The following LIMK2 variants were observed in gnomAD, a reference collection of about 807,000 sequenced individuals.
LIMK2 encodes LIM domain kinase 2.
LIMK2 carries 35 observed loss-of-function variants against 75.7 expected under a neutral mutation model. The ratio of observed to expected loss-of-function variants is 0.46; its 90% CI spans 0.35 to 0.61. The LOEUF is 0.61. Ranked by LOEUF, LIMK2 falls within the 20% of genes least tolerant of loss-of-function variation. The pLI, the probability that LIMK2 is intolerant of heterozygous loss-of-function variation, is 0.00. For synonymous variants in LIMK2, 301 were observed against 319.2 expected, an observed-to-expected ratio of 0.94 and a Z score of 0.61; for missense variants, 623 against 831.0, an observed-to-expected ratio of 0.75 and a Z score of 3.08.
chr22:31,262,843 A>G lies in LIMK2; in HGVS notation c.854+52A>G. ...CTGTCCTATGTCTGTCTCTCGGATGAAGCTGAGCTGGCTTTCAGAAGCCTG... is the reference window on the plus strand; with the variant it reads ...CTGTCCTATGTCTGTCTCTCGGATGGAGCTGAGCTGGCTTTCAGAAGCCTG... On this transcript the variant is annotated intron_variant, in intron 7 of 15. Transcript: ENST00000331728. The surrounding 1 kb of genome is among the most constrained non-coding windows in gnomAD (Gnocchi z 5.0). 1 of 1,433,404 alleles carries G rather than the reference A, an allele frequency of 7.0e-7. No homozygotes were observed. Among genetic ancestry groups the G allele is most frequent in the Non-Finnish European group, 9.3e-7 (1 of 1,073,356 alleles). The allele number at this position is 1,433,404 out of a possible 1,614,324, so 88.8% of individuals were successfully genotyped here. A position where few individuals can be genotyped will look rare whatever the true frequency, so the allele number is the denominator to read the frequency against.
At chr22:31,219,378 C>T (rs964616297) in intron 1 of LIMK2, among the ~76,000 whole-genome samples, 1 of 152,110 alleles carries the variant, frequency 6.6e-6, no homozygotes, top group African/African-American at 2.4e-5. Context: ...AAGGTGAGAA[C>T]CCCTATAATG....
At chr22:31,267,493 C>T (rs1193876650) in intron 9 of LIMK2, among the ~76,000 whole-genome samples, 1 of 152,174 alleles carries the variant, frequency 6.6e-6, no homozygotes, top group Non-Finnish European at 1.5e-5. Context: ...CATGGAGTAA[C>T]TTAAGTTGGG....
intron 14 of LIMK2, 101 bp from the exon 15 acceptor site, chr22:31,275,050 C>T (rs1395769890): frequency 5.2e-6 from 6 of 1,154,778 alleles, no homozygotes; most frequent in Non-Finnish European, 7.7e-6. Context: ...ACCACCTCCT[C>T]TTCTGCCATT....
intron 1 of LIMK2, among the ~76,000 whole-genome samples, chr22:31,217,200 A>G (rs777998699): frequency 1.3e-5 from 2 of 152,120 alleles, no homozygotes; most frequent in African/African-American, 2.4e-5. Context: ...AGGAGTTCAA[A>G]CCAGTCTGGC....
chr22:31,254,505 T>C (rs1429739830), intron 2 of LIMK2, among the ~76,000 whole-genome samples: 1 of 152,194 alleles, frequency 6.6e-6, no homozygotes, highest in Admixed American at 6.5e-5. Context: ...CAAGAGTAAG[T>C]GGGATGCTGT....
At chr22:31,276,701 C>T (rs1357480816) in intron 15 of LIMK2, 6 of 1,234,798 alleles carry the variant, frequency 4.9e-6, no homozygotes, top group Non-Finnish European at 5.1e-6. Context: ...TGGCGGACAG[C>T]GGCACCGCGG....
intron 2 of LIMK2, among the ~76,000 whole-genome samples, chr22:31,254,730 G>A (rs2048760015): frequency 6.6e-6 from 1 of 152,136 alleles, no homozygotes; most frequent in Non-Finnish European, 1.5e-5. Context: ...AGGCCAAGGC[G>A]GGCAGATCAC....
intron 2 of LIMK2, among the ~76,000 whole-genome samples, chr22:31,257,734 T>C (rs1794243995): frequency 6.6e-6 from 1 of 152,192 alleles, no homozygotes; most frequent in African/African-American, 2.4e-5. Flanking sequence ...CGGTTATTCT[T>C]ATAGAATAAC....
chr22:31,235,453 C>T (rs1314064522), intron 2 of LIMK2, among the ~76,000 whole-genome samples: 2 of 152,170 alleles, frequency 1.3e-5, no homozygotes, highest in African/African-American at 2.4e-5. Context: ...GAGAAGCTGA[C>T]CCCAGGAGTC....
chr22:31,216,726 G>T (rs534878287), intron 1 of LIMK2, among the ~76,000 whole-genome samples: 1 of 152,312 alleles, frequency 6.6e-6, no homozygotes, highest in South Asian at 2.1e-4. Flanking sequence ...GGCTGTATTA[G>T]GCTTTCCACA....
chr22:31,246,088 G>A (rs2048665142), intron 2 of LIMK2, among the ~76,000 whole-genome samples: 1 of 151,572 alleles, frequency 6.6e-6, no homozygotes, highest in Non-Finnish European at 1.5e-5. Flanking sequence ...CAAGAGAATT[G>A]CTTGAACCTG....
intron 12 of LIMK2, 133 bp from the exon 13 acceptor site, chr22:31,272,395 AGC>A: frequency 1.2e-6 from 1 of 819,984 alleles, no homozygotes; most frequent in South Asian, 2.1e-5. Context: ...TATTTGATAG[AGC>A]TTTCTGCTCT....
Position 31,278,391 on chromosome 22 carries a change from G to C in LIMK2, c.1867G>C (p.Asp623His), listed in dbSNP as rs771073476. Residue 623 changes from aspartate to histidine, a missense_variant, in exon 16 of 16, where the codon GAC becomes CAC. Asp to His is a moderately conservative substitution (Grantham distance 81). Transcript: ENST00000331728. ...GCTGCCTGCAGAGCTGGAGGAGTTG[G>C]ACCACACTGTGAGCATGCAGTACGG... The part of the protein sequence containing the change: ...IPLPAELEEL[D>H]HTVSMQYGLT... 1.3e-5 allele frequency: 21 copies of C among 1,613,934 alleles called. No homozygotes were observed. The highest frequency in any genetic ancestry group is 1.8e-5 in the Non-Finnish European group (21 of 1,179,952).
At chr22:31,260,181 C>G (rs2048824821) in intron 5 of LIMK2, 104 bp downstream of exon 5, 1 of 945,660 alleles carries the variant, frequency 1.1e-6, no homozygotes, top group Non-Finnish European at 1.5e-6. Context: ...TCCCTTTATT[C>G]TCATCTCATA....
rs200149674 is a variant in LIMK2 at position 31,212,435 on chromosome 22, G to T, written c.16+11G>T. On this transcript the variant is annotated intron_variant, in intron 1 of 15. Transcript: ENST00000331728. Reference sequence around the variant, plus strand: ...TGTCCGCGCTGGCGGGTAAGGAAGGGCTGCTCCGCCCTGTCCCGCTGTTAT... The same window carrying T: ...TGTCCGCGCTGGCGGGTAAGGAAGGTCTGCTCCGCCCTGTCCCGCTGTTAT... 1 of 1,331,724 alleles carries T rather than the reference G, an allele frequency of 7.5e-7. No homozygotes were observed. Among genetic ancestry groups the T allele is most frequent in the Non-Finnish European group, 9.7e-7 (1 of 1,031,448 alleles). The allele number at this position is 1,331,724 out of a possible 1,614,324, so 82.5% of individuals were successfully genotyped here.
At chr22:31,224,326 A>G (rs1182017736) in intron 1 of LIMK2, among the ~76,000 whole-genome samples, 1 of 152,122 alleles carries the variant, frequency 6.6e-6, no homozygotes, top group African/African-American at 2.4e-5. Context: ...TCAGCCAGTG[A>G]TAGGTAAGTC....
chr22:31,241,248 G>A (rs2048621487), intron 2 of LIMK2, among the ~76,000 whole-genome samples: 1 of 152,226 alleles, frequency 6.6e-6, no homozygotes, highest in South Asian at 2.1e-4. Context: ...CAAATGGCAA[G>A]AATAAAATAG....
rs2049024736 is a variant in LIMK2 at position 31,276,666 on chromosome 22, G to A, written c.1772+1358G>A. 5 of 1,041,374 alleles carry A rather than the reference G, an allele frequency of 4.8e-6. 1 individual carries two copies. Among genetic ancestry groups the A allele is most frequent in the African/African-American group, 1.7e-5 (1 of 57,794 alleles). 64.5% of individuals were successfully genotyped at this position (1,041,374 alleles called of 1,614,324 possible). On this transcript the variant is annotated intron_variant, in intron 15 of 15. Coordinates refer to ENST00000331728, the MANE Select transcript of LIMK2 (RefSeq NM_005569.4). Reference sequence around the variant, plus strand: ...GGCGGCACAAGGAGGGGCCCCACGCGCGCACGTGGCCCCGGAGGCCGCCGT... The same window carrying A: ...GGCGGCACAAGGAGGGGCCCCACGCACGCACGTGGCCCCGGAGGCCGCCGT...
At position 31,260,053 on chromosome 22, in the gene LIMK2, A is replaced by C. The variant is rs1246012090; in HGVS notation, c.527A>C (p.Tyr176Ser). Residue 176 changes from tyrosine (Y) to serine (S), a missense_variant, in exon 5 of 16, where the codon TAC becomes TCC. This residue lies in a region of LIMK2 where 514 missense variants were observed against 661.3 expected (regional missense o/e 0.78). Transcript: ENST00000331728. The part of the protein sequence containing the change: ...SVSVESACSN[Y>S]ATTVQVKEVN... ...TCCGTGGAGAGTGCCTGCTCCAACTACGCCACCACTGTGCAAGTGAAAGAG... is the reference window on the plus strand; with the variant it reads ...TCCGTGGAGAGTGCCTGCTCCAACTCCGCCACCACTGTGCAAGTGAAAGAG... The C allele has an allele frequency of 6.3e-7, 1 of 1,592,380 alleles. No homozygotes were observed. The highest frequency in any genetic ancestry group is 1.1e-5 in the South Asian group (1 of 88,366).
Sources: gnomAD v4.1 joint callset for allele counts (sites outside exome capture counted in the v4.1 genomes callset) on GRCh38, gnomAD v4.1.1 for gene constraint, gnomAD v4.1.1 regional missense constraint, Gnocchi (gnomAD v3.1) non-coding constraint, MANE v1.5 for transcripts, NCBI Gene and HGNC (gene_info 2026-07-23, HGNC 2026-07-21) for gene names.